C2CD3: variants seen among roughly 807,000 people sequenced by gnomAD.
C2CD3 encodes C2 domain containing 3 centriole elongation regulator.
C2CD3 carries 148 observed loss-of-function variants against 234.0 expected under a neutral mutation model. The ratio of observed to expected loss-of-function variants is 0.63; its 90% confidence interval spans 0.55 to 0.72. The LOEUF (loss-of-function observed/expected upper bound fraction) is 0.72. Ranked by LOEUF, C2CD3 falls within the 30% of genes least tolerant of loss-of-function variation. C2CD3 has a pLI of 0.00. For missense variants in C2CD3, 2,577 were observed against 2,811.5 expected, an observed-to-expected ratio of 0.92 and a Z score of 1.89; for synonymous variants, 1,000 against 1,035.4, an observed-to-expected ratio of 0.97 and a Z score of 0.66.
intron 24 of C2CD3, among the ~76,000 whole-genome samples, chr11:74,068,015 T>C (rs1213146348): frequency 6.6e-6 from 1 of 152,214 alleles, no homozygotes; most frequent in African/African-American, 2.4e-5. Context: ...CCTGTGGCAA[T>C]GGCTATGACG....
chr11:74,168,492 T>C lies in C2CD3; in HGVS notation c.177A>G (p.Val59=). 6.2e-7 allele frequency: 1 copy of C among 1,614,196 alleles called. No individual in the cohort carries two copies. Among genetic ancestry groups the C allele is most frequent in the Non-Finnish European group, 8.5e-7 (1 of 1,180,028 alleles). The change falls in exon 2 of 33, where the codon GTA becomes GTG. Residue 59 remains valine (V), a synonymous_variant. Coordinates refer to ENST00000334126, the MANE Select transcript of C2CD3 (RefSeq NM_001286577.2). ...CTCCCCACCATCTCACTCGGACAAG[T>C]ACACAAGTGGGAGGCTTTGCAATCT... ...IWKIAKPPTC[V]LVRVRWWGET... is the part of the protein sequence containing the mutation.
At chr11:74,135,992 G>T (rs1200787587) in intron 5 of C2CD3, among the ~76,000 whole-genome samples, 4 of 151,962 alleles carry the variant, frequency 2.6e-5, no homozygotes, top group Non-Finnish European at 5.9e-5. Flanking sequence ...TGGGGGCAAG[G>T]GTTGAAAAAC....
In C2CD3 at chr11:74,042,152, A is replaced by C; in HGVS notation, c.5562T>G (p.His1854Gln). 1 of 1,613,360 alleles carries C rather than the reference A, an allele frequency of 6.2e-7. No individual in the cohort carries two copies. Among genetic ancestry groups the C allele is most frequent in the African/African-American group, 1.3e-5 (1 of 74,688 alleles). The change falls in exon 29 of 33, where the codon CAT becomes CAG. Residue 1854 changes from histidine (H) to glutamine (Q), a missense_variant. Transcript: ENST00000334126. ...CCTCTCCCTGAAGATGCAGGGATTC[A>C]TGAAACCGGCGAATGTTCTGCACAT... The part of the protein sequence containing the change: ...EEHVQNIRRF[H>Q]ESLHLQGEAP...
At chr11:74,015,887 G>A (rs12282836) in intron 32 of C2CD3, among the ~76,000 whole-genome samples, 3,510 of 150,348 alleles carry the variant, frequency 0.023, 130 homozygotes, top group African/African-American at 0.081. Context: ...GTCAACATAG[G>A]GAAACCCTGT....
intron 3 of C2CD3, among the ~76,000 whole-genome samples, chr11:74,159,386 T>A (rs953070429): frequency 2.0e-5 from 3 of 152,148 alleles, no homozygotes; most frequent in Non-Finnish European, 4.4e-5. Flanking sequence ...GGCACTGTTA[T>A]CATAGGAGAT....
At chr11:74,034,624 A>G in intron 30 of C2CD3, 3 of 1,604,718 alleles carry the variant, frequency 1.9e-6, no homozygotes, top group South Asian at 1.1e-5. Flanking sequence ...TTAAAAATCA[A>G]AATGAGAATC....
intron 32 of C2CD3, among the ~76,000 whole-genome samples, chr11:74,027,507 A>G (rs1685342): frequency 0.044 from 6,655 of 152,284 alleles, 478 homozygotes; most frequent in African/African-American, 0.15. Context: ...TGCCTGGTAC[A>G]TGCTAAGCAC....
Position 74,049,416 on chromosome 11 carries a change from G to C in C2CD3, c.5282C>G (p.Ala1761Gly). Residue 1761 changes from alanine to glycine, a missense_variant, in exon 27 of 33, where the codon GCT (alanine) becomes GGT (glycine). Coordinates refer to ENST00000334126, the MANE Select transcript of C2CD3 (RefSeq NM_001286577.2). ...SGECQGQIKV[A>G]VSPLESLIHF... Reference sequence around the variant, plus strand: ...TATCAAACTCTCCAAAGGGGAGACAGCAACTTTTATCTGCCCCTGGCACTC... The same window carrying C: ...TATCAAACTCTCCAAAGGGGAGACACCAACTTTTATCTGCCCCTGGCACTC... 1 of 1,614,072 alleles carries C rather than the reference G, an allele frequency of 6.2e-7. No individual in the cohort carries two copies. Among genetic ancestry groups the C allele is most frequent in the South Asian group, 1.1e-5 (1 of 91,078 alleles).
intron 32 of C2CD3, among the ~76,000 whole-genome samples, chr11:74,021,299 G>T (rs1952074052): frequency 6.6e-6 from 1 of 152,174 alleles, no homozygotes; most frequent in Admixed American, 6.5e-5. Context: ...CCAGAGTTCA[G>T]CTGTACCCTT....
At chr11:74,125,374 C>T (rs1957376218) in intron 7 of C2CD3, among the ~76,000 whole-genome samples, 1 of 152,160 alleles carries the variant, frequency 6.6e-6, no homozygotes, top group Non-Finnish European at 1.5e-5. Context: ...TTATGTTGCC[C>T]AGGCTGGTCT....
chr11:74,031,049 T>C (rs1591288780), intron 31 of C2CD3, among the ~76,000 whole-genome samples: 2 of 152,246 alleles, frequency 1.3e-5, no homozygotes, highest in East Asian at 3.8e-4. Context: ...GTTTCTAGTC[T>C]TCCCTTACTT....
In C2CD3 at chr11:74,109,028, A is replaced by T. The variant is rs186648174; in HGVS notation, c.1962+6T>A. 3.5e-4 allele frequency: 525 copies of T among 1,503,294 alleles called. 1 individual carries two copies. In the African/African-American group the frequency reaches 6.4e-3, roughly 18 times the overall value. 93.1% of individuals were successfully genotyped at this position (1,503,294 alleles called of 1,614,324 possible). On this transcript the variant is annotated splice_donor_region_variant and intron_variant, in intron 12 of 32. Coordinates refer to ENST00000334126, the MANE Select transcript of C2CD3 (RefSeq NM_001286577.2). ...GTAAGGCAAAGGCCAAAATCACTCAAAGTACCTTTTTCTGTGGAGTTTTCT... is the reference window on the plus strand; with the variant it reads ...GTAAGGCAAAGGCCAAAATCACTCATAGTACCTTTTTCTGTGGAGTTTTCT...
At chr11:74,026,300 C>G (rs1019276722) in intron 32 of C2CD3, among the ~76,000 whole-genome samples, 2 of 150,130 alleles carry the variant, frequency 1.3e-5, no homozygotes, top group African/African-American at 5.0e-5. Flanking sequence ...GTGTGAGACC[C>G]TGTCTCAAGG....
chr11:74,078,168 T>G lies in C2CD3; in HGVS notation c.4550A>C (p.Tyr1517Ser). The G allele has an allele frequency of 6.2e-7, 1 of 1,613,988 alleles. No individual in the cohort carries two copies. The highest frequency in any genetic ancestry group is 1.1e-5 in the South Asian group (1 of 91,074). The change falls in exon 23 of 33, where the codon TAT (tyrosine) becomes TCT (serine). Residue 1517 changes from tyrosine (Y) to serine (S), a missense_variant. Transcript: ENST00000334126. Reference sequence around the variant, plus strand: ...CTCCCCAAGTCTGGCCAGGTCCACATAGGCTGAGCCAATCCAGCTGTCTGT... The same window carrying G: ...CTCCCCAAGTCTGGCCAGGTCCACAGAGGCTGAGCCAATCCAGCTGTCTGT... ...HQTDSWIGSA[Y>S]VDLARLGERS... is the part of the protein sequence containing the mutation.
chr11:74,037,925 G>A (rs953346090), intron 29 of C2CD3, among the ~76,000 whole-genome samples: 3 of 152,052 alleles, frequency 2.0e-5, no homozygotes, highest in Admixed American at 1.3e-4. Flanking sequence ...TGTCTAATGC[G>A]ATTCCTCATC....
In C2CD3 at chr11:74,049,342, A is replaced by C; in HGVS notation, c.5356T>G (p.Ser1786Ala). 1 of 1,613,826 alleles carries C rather than the reference A, an allele frequency of 6.2e-7. No individual in the cohort carries two copies. The highest frequency in any genetic ancestry group is 8.5e-7 in the Non-Finnish European group (1 of 1,179,682). ...ATGTGAATCTCCATACATACCAGTG[A>C]TTTTGAGGTCTCCACTCCACGCCTT... is the stretch of plus-strand genomic sequence containing the variant. The part of the protein sequence containing the change: ...QARRGVETSK[S>A]LIPIYSPFSF... Residue 1786 changes from serine to alanine, a missense_variant, in exon 27 of 33, where the codon TCA (serine) becomes GCA (alanine). Physicochemically the swap from Ser to Ala is moderately conservative, Grantham distance 99. Coordinates refer to ENST00000334126, the MANE Select transcript of C2CD3 (RefSeq NM_001286577.2).
At chr11:74,091,568 G>C (rs1277748339) in intron 19 of C2CD3, among the ~76,000 whole-genome samples, 1 of 152,152 alleles carries the variant, frequency 6.6e-6, no homozygotes, top group East Asian at 1.9e-4. Flanking sequence ...AATTTAGAGG[G>C]TACACCATCC....
At chr11:74,073,013 G>A (rs1299540409) in intron 24 of C2CD3, among the ~76,000 whole-genome samples, 1 of 152,142 alleles carries the variant, frequency 6.6e-6, no homozygotes, top group Non-Finnish European at 1.5e-5. Context: ...GAGAGGAGCT[G>A]GAAGTAGCCA....
intron 2 of C2CD3, among the ~76,000 whole-genome samples, chr11:74,161,918 T>C (rs2135570797): frequency 6.6e-6 from 1 of 151,294 alleles, no homozygotes; most frequent in Admixed American, 6.6e-5. Flanking sequence ...AGGACTCAAG[T>C]GATTCTCCCA....
Sources: allele counts gnomAD v4.1 joint callset (sites outside exome capture counted in the v4.1 genomes callset), GRCh38; gene constraint gnomAD v4.1.1; transcripts MANE v1.5; gene names NCBI Gene and HGNC (gene_info 2026-07-23, HGNC 2026-07-21).